The following KDM2B variants were observed in gnomAD, a reference collection of about 807,000 sequenced individuals.
The protein encoded by KDM2B is lysine demethylase 2B.
A neutral mutation model predicts 150.0 loss-of-function variants in KDM2B; 26 were observed. The observed-to-expected ratio is 0.17, with a 90% CI of 0.13 to 0.24. The LOEUF is 0.24. Among genes scored for constraint, KDM2B ranks in the 10% least tolerant of loss-of-function variants. KDM2B has a pLI of 1.00. For synonymous variants in KDM2B, 734 were observed against 729.5 expected (o/e 1.01, Z -0.10); for missense variants, 1,265 against 1,816.9 (o/e 0.70, Z 5.52).
intron 12 of KDM2B, among the ~76,000 whole-genome samples, chr12:121,477,075 T>A (rs1260181710): frequency 3.9e-5 from 6 of 152,154 alleles, no homozygotes; most frequent in African/African-American, 9.7e-5. Flanking sequence ...ACAATTTTTT[T>A]AATTTGAATC....
intron 8 of KDM2B, among the ~76,000 whole-genome samples, chr12:121,531,630 A>G (rs559531164): frequency 2.0e-5 from 3 of 152,302 alleles, no homozygotes; most frequent in African/African-American, 7.2e-5. Flanking sequence ...CTTTCAGGAG[A>G]CAATCCTTCA....
chr12:121,575,391 T>C lies in KDM2B; in HGVS notation c.350+390A>G, dbSNP rs1891433120. Reference sequence around the variant, plus strand: ...GGAATCTGCATAAGAAACATGTATCTAGGTGCCCTGGGTCTGGGCTTAGAG... The same window carrying C: ...GGAATCTGCATAAGAAACATGTATCCAGGTGCCCTGGGTCTGGGCTTAGAG... On this transcript the variant is annotated intron_variant, in intron 3 of 22. Transcript: ENST00000377071. This position sits in a 1 kb window ranked among gnomAD's most constrained non-coding sequence, Gnocchi z 4.4. Among the ~76,000 whole-genome samples, 3 of 152,206 alleles carry C rather than the reference T, an allele frequency of 2.0e-5. No homozygotes were observed.
chr12:121,505,627 G>T (rs1453417497), intron 11 of KDM2B, among the ~76,000 whole-genome samples: 1 of 152,178 alleles, frequency 6.6e-6, no homozygotes, highest in Non-Finnish European at 1.5e-5. Context: ...GGACTGAGTT[G>T]AATTGGGGGC....
intron 12 of KDM2B, among the ~76,000 whole-genome samples, chr12:121,490,107 G>A (rs1883195739): frequency 6.6e-6 from 1 of 152,182 alleles, no homozygotes; most frequent in South Asian, 2.1e-4. Flanking sequence ...CACTCCGGAG[G>A]GACCCCAGAC....
At chr12:121,561,679 G>A (rs1890349337) in intron 4 of KDM2B, among the ~76,000 whole-genome samples, 1 of 152,122 alleles carries the variant, frequency 6.6e-6, no homozygotes. Flanking sequence ...TCTTCTGGGG[G>A]TCTATTGGAA....
intron 12 of KDM2B, among the ~76,000 whole-genome samples, chr12:121,464,707 T>C (rs1555294450): frequency 6.6e-6 from 1 of 152,158 alleles, no homozygotes; most frequent in African/African-American, 2.4e-5. Flanking sequence ...GCAAGTCTAC[T>C]TGTTCATCCA....
the KDM2B span, among the ~76,000 whole-genome samples, chr12:121,413,305 G>A: frequency 6.6e-6 from 1 of 152,182 alleles, no homozygotes; most frequent in Admixed American, 6.6e-5. Context: ...GGGATTACAG[G>A]CATAAGCCAC....
chr12:121,579,735 C>G, intron 1 of KDM2B: 1 of 1,466,880 alleles, frequency 6.8e-7, no homozygotes, highest in Admixed American at 2.0e-5. Flanking sequence ...CCTCAGCCCC[C>G]CAGATTCCGG....
intron 12 of KDM2B, among the ~76,000 whole-genome samples, chr12:121,455,140 T>G (rs567738456): frequency 6.6e-6 from 1 of 152,192 alleles, no homozygotes; most frequent in Admixed American, 6.5e-5. Flanking sequence ...CAGGCCCCCA[T>G]CAGCCCGAGT....
At chr12:121,579,942 C>G in intron 1 of KDM2B, 2 of 1,195,476 alleles carry the variant, frequency 1.7e-6, no homozygotes, top group Non-Finnish European at 2.1e-6. Context: ...CGAGAAACAA[C>G]CAAAAAAAAA....
In KDM2B at chr12:121,579,943, CAAAAAAA is replaced by C. The variant is rs61355823; in HGVS notation, c.126+836_126+842del. 143 of 1,107,568 alleles carry C rather than the reference CAAAAAAA, an allele frequency of 1.3e-4. 1 individual carries two copies. In the East Asian group the frequency reaches 3.7e-3, roughly 29 times the overall value. 68.6% of individuals were successfully genotyped at this position (1,107,568 alleles called of 1,614,324 possible). On this transcript the variant is annotated intron_variant, in intron 1 of 22. Transcript: ENST00000377071. Reference sequence around the variant, plus strand: ...GAAAGAAAAGGCAGCGAGAAACAACCAAAAAAAAAAAAAAAAAGATCTATCATATGCC... The same window carrying C: ...GAAAGAAAAGGCAGCGAGAAACAACCAAAAAAAAAAGATCTATCATATGCC...
At position 121,443,988 on chromosome 12, in the gene KDM2B, C is replaced by T. The variant is rs74827027; in HGVS notation, c.2451+24G>A. On this transcript the variant is annotated intron_variant, in intron 16 of 22. Coordinates refer to ENST00000377071, the MANE Select transcript of KDM2B (RefSeq NM_032590.5). The stretch of plus-strand genomic sequence containing the variant: ...GGACCAGCCAGACCAACCCCTTTGC[C>T]TCCCAGCCCCTCCTGGTCCGTACCC... 3,629 of 1,583,992 alleles carry T rather than the reference C, an allele frequency of 2.3e-3. 75 individuals carry two copies. In the African/African-American group the frequency reaches 0.043, roughly 19 times the overall value.
chr12:121,467,250 CTGGAG>C lies in KDM2B; in HGVS notation c.1735-13911_1735-13907del. The C allele has an allele frequency of 1.0e-6, 1 of 993,790 alleles. No individual in the cohort carries two copies. The highest frequency in any genetic ancestry group is 4.0e-5 in the South Asian group (1 of 24,756). 61.6% of individuals were successfully genotyped at this position (993,790 alleles called of 1,614,324 possible). A position where few individuals can be genotyped will look rare whatever the true frequency, so the allele number is the denominator to read the frequency against. The stretch of plus-strand genomic sequence containing the variant: ...CCCAGGCTCGCGCGCGCTGACATGG[CTGGAG>C]CGGCGCCGCCGCCGCCGCCCGCCCG... On this transcript the variant is annotated intron_variant, in intron 12 of 22. Transcript: ENST00000377071. This position sits in a 1 kb window ranked among gnomAD's most constrained non-coding sequence, Gnocchi z 5.1.
At position 121,513,198 on chromosome 12, in the gene KDM2B, G is replaced by C; in HGVS notation, c.1174+78C>G. 2.0e-6 allele frequency: 3 copies of C among 1,532,144 alleles called. No homozygotes were observed. The highest frequency in any genetic ancestry group is 2.7e-6 in the Non-Finnish European group (3 of 1,116,284). The allele number at this position is 1,532,144 out of a possible 1,614,324, so 94.9% of individuals were successfully genotyped here. A position where few individuals can be genotyped will look rare whatever the true frequency, so the allele number is the denominator to read the frequency against. On this transcript the variant is annotated intron_variant, in intron 10 of 22. Coordinates refer to ENST00000377071, the MANE Select transcript of KDM2B (RefSeq NM_032590.5). This position sits in a 1 kb window ranked among gnomAD's most constrained non-coding sequence, Gnocchi z 5.0. Reference sequence around the variant, plus strand: ...AACGAATCCCCAAAACTCAGGGAGTGTCTCCAGGCCCCACTGAGAAAATGA... The same window carrying C: ...AACGAATCCCCAAAACTCAGGGAGTCTCTCCAGGCCCCACTGAGAAAATGA...
At chr12:121,580,252 T>TC (rs1555317705) in intron 1 of KDM2B, 2 of 839,280 alleles carry the variant, frequency 2.4e-6, no homozygotes, top group African/African-American at 2.2e-5. Flanking sequence ...TCAGCAGTTG[T>TC]GGGGGGGGGG....
intron 11 of KDM2B, among the ~76,000 whole-genome samples, chr12:121,505,245 C>T (rs1433000661): frequency 1.1e-4 from 16 of 149,816 alleles, no homozygotes; most frequent in Admixed American, 1.1e-3. Context: ...GAGATCACAT[C>T]ACTGCACTCC....
chr12:121,511,961 G>T (rs1885627864), intron 10 of KDM2B, among the ~76,000 whole-genome samples: 2 of 152,112 alleles, frequency 1.3e-5, no homozygotes, highest in Non-Finnish European at 2.9e-5. Flanking sequence ...GAAGATGTGG[G>T]TACTGATTAC....
At chr12:121,477,498 C>A (rs1350938567) in intron 12 of KDM2B, among the ~76,000 whole-genome samples, 2 of 152,028 alleles carry the variant, frequency 1.3e-5, no homozygotes, top group East Asian at 3.8e-4. Flanking sequence ...ATCCTCCCTC[C>A]TTAGCCTCCT....
At position 121,441,121 on chromosome 12, in the gene KDM2B, A is replaced by G. The variant is rs1013147363; in HGVS notation, c.3397T>C (p.Trp1133Arg). 1.3e-5 allele frequency: 21 copies of G among 1,614,120 alleles called. No individual in the cohort carries two copies. The highest frequency in any genetic ancestry group is 1.7e-5 in the Non-Finnish European group (20 of 1,180,046). ...AGCTGCTTCTTGGAGATATTGGTCC[A>G]GCTGAGGTCGAGGGAGACGGGCTGT... ...RRQPVSLDLS[W>R]TNISKKQLSW... The change falls in exon 20 of 23, where the codon TGG becomes CGG. Residue 1133 changes from tryptophan (W) to arginine (R), a missense_variant. Physicochemically the swap from Trp to Arg is moderately radical, Grantham distance 101 (BLOSUM62 -3). Coordinates refer to ENST00000377071, the MANE Select transcript of KDM2B (RefSeq NM_032590.5).
Sources: allele counts gnomAD v4.1 joint callset (sites outside exome capture counted in the v4.1 genomes callset), GRCh38; gene constraint gnomAD v4.1.1; non-coding constraint Gnocchi (gnomAD v3.1); transcripts MANE v1.5; gene names NCBI Gene and HGNC (gene_info 2026-07-23, HGNC 2026-07-21).